NRG3: variants seen among roughly 807,000 people sequenced by gnomAD.
NRG3 encodes the protein neuregulin 3, also known as pro-neuregulin-3, membrane-bound isoform.
In NRG3, 31 loss-of-function variants were observed where a neutral mutation model predicts 66.9. The ratio of observed to expected loss-of-function variants is 0.46; its 90% CI spans 0.35 to 0.63. The LOEUF (loss-of-function observed/expected upper bound fraction) is 0.63, where lower values mean the gene tolerates loss of function less well. Among genes scored for constraint, NRG3 ranks in the 20% least tolerant of loss-of-function variants. The pLI, the probability that NRG3 is intolerant of heterozygous loss-of-function variation, is 0.00. For missense variants in NRG3, 910 were observed against 878.9 expected, an observed-to-expected ratio of 1.04 and a Z score of -0.45; for synonymous variants, 393 against 359.4, an observed-to-expected ratio of 1.09 and a Z score of -1.06.
intron 3 of NRG3, among the ~76,000 whole-genome samples, chr10:82,818,682 A>G (rs2061821018): frequency 6.6e-6 from 1 of 152,140 alleles, no homozygotes; most frequent in African/African-American, 2.4e-5. Context: ...ATTGTTACAC[A>G]TAAATTCCAG....
At chr10:82,522,039 CTTTTTTTTTTTTT>C (rs71009811) in intron 2 of NRG3, among the ~76,000 whole-genome samples, 50 of 97,750 alleles carry the variant, frequency 5.1e-4, no homozygotes, top group Admixed American at 8.1e-4. Context: ...CCGCTGAAGT[CTTTTTTTTTTTTT>C]TTTTTTTTTG....
intron 2 of NRG3, among the ~76,000 whole-genome samples, chr10:82,539,992 G>T (rs188642091): frequency 1.4e-4 from 21 of 152,214 alleles, no homozygotes; most frequent in African/African-American, 5.1e-4. Context: ...CAGGTAACTG[G>T]TCTCCCTTTG....
At chr10:82,001,059 AC>A (rs1316990102) in intron 1 of NRG3, among the ~76,000 whole-genome samples, 1 of 152,202 alleles carries the variant, frequency 6.6e-6, no homozygotes, top group Non-Finnish European at 1.5e-5. Flanking sequence ...GAAGAAGAAA[AC>A]AATTCTCCCT....
intron 1 of NRG3, among the ~76,000 whole-genome samples, chr10:82,266,985 A>G (rs2078332659): frequency 6.6e-6 from 1 of 152,176 alleles, no homozygotes; most frequent in Admixed American, 6.6e-5. Flanking sequence ...AATCACCTGG[A>G]ATGTCCAAAA....
intron 6 of NRG3, among the ~76,000 whole-genome samples, chr10:82,969,914 T>A (rs992821819): frequency 6.6e-5 from 10 of 152,248 alleles, no homozygotes; most frequent in African/African-American, 2.2e-4. Context: ...AACATAAATA[T>A]ATACACAATC....
intron 4 of NRG3, among the ~76,000 whole-genome samples, chr10:82,900,454 G>T (rs1844108986): frequency 6.6e-6 from 1 of 152,020 alleles, no homozygotes; most frequent in African/African-American, 2.4e-5. Flanking sequence ...ATGTCTTAAA[G>T]ATTATTAATT....
At chr10:82,432,927 T>A (rs926613961) in intron 2 of NRG3, among the ~76,000 whole-genome samples, 1 of 152,214 alleles carries the variant, frequency 6.6e-6, no homozygotes, top group African/African-American at 2.4e-5. Flanking sequence ...TAAACATATG[T>A]CTTCATGTGT....
intron 3 of NRG3, among the ~76,000 whole-genome samples, chr10:82,818,921 A>C (rs2061832086): frequency 6.6e-6 from 1 of 152,258 alleles, no homozygotes; most frequent in South Asian, 2.1e-4. Flanking sequence ...TGCTTTGGAC[A>C]GAAAGTGTTA....
chr10:82,851,704 G>C (rs1347578977), intron 3 of NRG3, among the ~76,000 whole-genome samples: 2 of 150,916 alleles, frequency 1.3e-5, no homozygotes, highest in Non-Finnish European at 2.9e-5. Context: ...AGATCACCTT[G>C]AACAAAAGTT....
chr10:82,237,903 T>A (rs2133963241), intron 1 of NRG3, among the ~76,000 whole-genome samples: 1 of 152,250 alleles, frequency 6.6e-6, no homozygotes, highest in African/African-American at 2.4e-5. Context: ...GTCAAAGAGC[T>A]TGGAGAATTC....
At chr10:82,152,736 T>C (rs941336357) in intron 1 of NRG3, among the ~76,000 whole-genome samples, 5 of 151,406 alleles carry the variant, frequency 3.3e-5, no homozygotes, top group Non-Finnish European at 7.4e-5. Flanking sequence ...TTGAAATCTC[T>C]ATTGCTGTGG....
intron 1 of NRG3, among the ~76,000 whole-genome samples, chr10:82,333,803 C>T (rs907257941): frequency 6.6e-6 from 1 of 151,854 alleles, no homozygotes; most frequent in African/African-American, 2.4e-5. Flanking sequence ...AATGTCGTGC[C>T]CTGGCCAGGG....
At chr10:82,823,706 C>G (rs960189349) in intron 3 of NRG3, among the ~76,000 whole-genome samples, 1 of 152,112 alleles carries the variant, frequency 6.6e-6, no homozygotes, top group East Asian at 1.9e-4. Flanking sequence ...CTGGTAGACA[C>G]AGGGACCCAG....
At chr10:82,672,964 T>A (rs1360624127) in intron 2 of NRG3, among the ~76,000 whole-genome samples, 1 of 152,230 alleles carries the variant, frequency 6.6e-6, no homozygotes, top group Non-Finnish European at 1.5e-5. Context: ...TTGGCCAGGC[T>A]GGCCTCAGAC....
intron 1 of NRG3, among the ~76,000 whole-genome samples, chr10:81,922,400 A>G (rs1229688129): frequency 6.6e-6 from 1 of 152,192 alleles, no homozygotes; most frequent in Non-Finnish European, 1.5e-5. Flanking sequence ...CTCATTCCTT[A>G]CACCCTCACA....
At chr10:82,313,196 G>A (rs940385745) in intron 1 of NRG3, among the ~76,000 whole-genome samples, 8 of 151,810 alleles carry the variant, frequency 5.3e-5, no homozygotes, top group African/African-American at 1.9e-4. Flanking sequence ...AATTAGCTGG[G>A]CATGGTGGTG....
chr10:82,559,730 G>A (rs1435632067), intron 2 of NRG3, among the ~76,000 whole-genome samples: 3 of 152,132 alleles, frequency 2.0e-5, no homozygotes, highest in Non-Finnish European at 4.4e-5. Flanking sequence ...ATCATTTTAT[G>A]TACACTAAAT....
At chr10:82,110,031 C>G (rs1248947951) in intron 1 of NRG3, among the ~76,000 whole-genome samples, 1 of 152,074 alleles carries the variant, frequency 6.6e-6, no homozygotes, top group African/African-American at 2.4e-5. Context: ...CAGTCAAATT[C>G]CCTTCTCCAA....
intron 2 of NRG3, among the ~76,000 whole-genome samples, chr10:82,448,636 C>T (rs1215339012): frequency 6.6e-6 from 1 of 152,102 alleles, no homozygotes; most frequent in Non-Finnish European, 1.5e-5. Flanking sequence ...CCCCAGCTCC[C>T]CTGTATTAGA....
Sources: allele counts gnomAD v4.1 joint callset (sites outside exome capture counted in the v4.1 genomes callset), GRCh38; gene constraint gnomAD v4.1.1; transcripts MANE v1.5; gene names NCBI Gene and HGNC (gene_info 2026-07-23, HGNC 2026-07-21).